The following XIRP2 variants were observed in gnomAD, a reference collection of about 807,000 sequenced individuals.
The protein encoded by XIRP2 is xin actin binding repeat containing 2, also known as xin actin-binding repeat-containing protein 2.
Under a neutral mutation model 277.0 loss-of-function variants are expected in XIRP2, and 236 were observed. The observed-to-expected ratio is 0.85, with a 90% CI of 0.77 to 0.95. XIRP2 has a LOEUF of 0.95. Among genes scored for constraint, XIRP2 ranks in the 40% least tolerant of loss-of-function variants. XIRP2 has a pLI of 0.00. For synonymous variants in XIRP2, 1,490 were observed against 1,416.5 expected, an observed-to-expected ratio of 1.05 and a Z score of -1.17; for missense variants, 4,640 against 4,157.5, an observed-to-expected ratio of 1.12 and a Z score of -3.19.
In XIRP2 at chr2:167,246,801, T is replaced by A; in HGVS notation, c.5409T>A (p.Val1803=). The change falls in exon 9 of 11, where the codon GTT becomes GTA. Residue 1803 remains valine, a synonymous_variant. Transcript: ENST00000409195. ...KKRQSLVERT[V]SETDIIPGDV... is the part of the protein sequence containing the mutation. The stretch of plus-strand genomic sequence containing the variant: ...GGCAGTCTCTGGTTGAACGTACTGT[T>A]AGTGAAACTGACATCATCCCTGGAG... 1.2e-6 allele frequency: 2 copies of A among 1,613,866 alleles called. No homozygotes were observed.
intron 2 of XIRP2, among the ~76,000 whole-genome samples, chr2:167,007,620 A>C (rs1368488369): frequency 6.6e-6 from 1 of 151,272 alleles, no homozygotes; most frequent in Non-Finnish European, 1.5e-5. Flanking sequence ...TATGTGGTAC[A>C]TGTCTTAAAC....
chr2:167,255,818 A>C (rs1332480745), intron 10 of XIRP2, among the ~76,000 whole-genome samples: 2 of 151,878 alleles, frequency 1.3e-5, no homozygotes, highest in African/African-American at 4.8e-5. Context: ...CATGGAAACA[A>C]TATTCGTTGA....
chr2:167,203,718 A>G (rs538703979), intron 3 of XIRP2, among the ~76,000 whole-genome samples: 2 of 152,364 alleles, frequency 1.3e-5, no homozygotes, highest in Non-Finnish European at 2.9e-5. Flanking sequence ...TAAAACTCAA[A>G]TTGATTACAA....
intron 3 of XIRP2, among the ~76,000 whole-genome samples, chr2:167,201,512 T>A (rs1007137153): frequency 1.3e-5 from 2 of 152,306 alleles, no homozygotes; most frequent in African/African-American, 4.8e-5. Context: ...CAGTGGCCCC[T>A]GCTTTGCATT....
chr2:167,080,391 G>C (rs1251176387), intron 2 of XIRP2, among the ~76,000 whole-genome samples: 1 of 152,148 alleles, frequency 6.6e-6, no homozygotes, highest in Non-Finnish European at 1.5e-5. Flanking sequence ...GATACTGCCA[G>C]ACTAACTGAT....
intron 3 of XIRP2, among the ~76,000 whole-genome samples, chr2:167,153,668 T>C: frequency 6.6e-6 from 1 of 151,992 alleles, no homozygotes; most frequent in Non-Finnish European, 1.5e-5. Context: ...GTTTGGTTTT[T>C]TGTTCTTGCG....
chr2:166,919,602 A>G (rs996926458), intron 2 of XIRP2, among the ~76,000 whole-genome samples: 4 of 152,192 alleles, frequency 2.6e-5, no homozygotes, highest in Non-Finnish European at 5.9e-5. Flanking sequence ...TCTGATCACA[A>G]TGATTTTATG....
At chr2:167,089,345 A>G (rs112121102) in intron 2 of XIRP2, among the ~76,000 whole-genome samples, 4,784 of 152,210 alleles carry the variant, frequency 0.031, 99 homozygotes, top group East Asian at 0.05. Context: ...TCATCAGTTA[A>G]TTGTTCTTTC....
At chr2:167,233,719 G>C (rs868840569) in intron 5 of XIRP2, among the ~76,000 whole-genome samples, 2 of 151,152 alleles carry the variant, frequency 1.3e-5, no homozygotes, top group Non-Finnish European at 3.0e-5. Flanking sequence ...TATTTTTTTT[G>C]TAAACTTTTT....
chr2:167,070,814 C>T (rs1370406376), intron 2 of XIRP2, among the ~76,000 whole-genome samples: 4 of 151,942 alleles, frequency 2.6e-5, no homozygotes, highest in Non-Finnish European at 4.4e-5. Flanking sequence ...TTTTAAGGAA[C>T]AAATTCATCT....
chr2:167,245,130 A>C lies in XIRP2; in HGVS notation c.3738A>C (p.Gln1246His), dbSNP rs1176986619. The change falls in exon 9 of 11, where the codon CAA becomes CAC. Residue 1246 changes from glutamine (Q) to histidine (H), a missense_variant. Gln to His is a conservative substitution (Grantham distance 24, BLOSUM62 0). Transcript: ENST00000409195. Reference protein sequence around the residue: ...VLNCRWLFENQPIDKIKESQE... With the variant: ...VLNCRWLFENHPIDKIKESQE... Reference sequence around the variant, plus strand: ...ATTGTAGGTGGCTTTTTGAAAACCAACCAATTGATAAGATAAAAGAAAGCC... The same window carrying C: ...ATTGTAGGTGGCTTTTTGAAAACCACCCAATTGATAAGATAAAAGAAAGCC... 2 of 1,611,556 alleles carry C rather than the reference A, an allele frequency of 1.2e-6. No individual in the cohort carries two copies. Among genetic ancestry groups the C allele is most frequent in the African/African-American group, 2.7e-5 (2 of 74,654 alleles).
At chr2:167,170,894 CTTT>C (rs773187641) in intron 3 of XIRP2, among the ~76,000 whole-genome samples, 7,779 of 92,050 alleles carry the variant, frequency 0.085, 95 homozygotes, top group Middle Eastern at 0.14. Flanking sequence ...TGCCTTTCTT[CTTT>C]TTTTTTTTTT....
chr2:167,241,745 A>C, intron 7 of XIRP2, 32 bp from the exon 8 acceptor site: 1 of 1,574,070 alleles, frequency 6.4e-7, no homozygotes, highest in Non-Finnish European at 8.6e-7. Context: ...TAGTAATTAC[A>C]TAGTAACCCT....
chr2:166,904,856 T>A (rs1359847096), intron 2 of XIRP2, among the ~76,000 whole-genome samples: 1 of 152,112 alleles, frequency 6.6e-6, no homozygotes, highest in East Asian at 1.9e-4. Flanking sequence ...TTCTTGTTAA[T>A]GGATAATTAG....
Position 166,973,676 on chromosome 2 carries a change from C to G in XIRP2, c.408+69786C>G, listed in dbSNP as rs78855755. Among the ~76,000 whole-genome samples the G allele has an allele frequency of 6.1e-3, 931 of 152,270 alleles. 76 individuals are homozygous for G. The East Asian group carries it at 0.16, about 26-fold the overall frequency. On this transcript the variant is annotated intron_variant, in intron 2 of 10. Transcript: ENST00000409195. The stretch of plus-strand genomic sequence containing the variant: ...AAAGCACTTCAGAATCTCAGTCCCC[C>G]ACCTTAACCTACTGAATTAGAATTT...
chr2:166,907,609 G>A (rs1468477314), intron 2 of XIRP2, among the ~76,000 whole-genome samples: 1 of 150,092 alleles, frequency 6.7e-6, no homozygotes, highest in African/African-American at 2.5e-5. Context: ...ACAGGTCATA[G>A]AAGTTTTTTT....
At chr2:167,152,984 C>A (rs911843673) in intron 3 of XIRP2, among the ~76,000 whole-genome samples, 2 of 152,150 alleles carry the variant, frequency 1.3e-5, no homozygotes, top group Non-Finnish European at 2.9e-5. Context: ...CGCAGGCAAC[C>A]TCTGCGTGTA....
chr2:167,128,546 C>T (rs540038032), intron 2 of XIRP2, among the ~76,000 whole-genome samples: 1 of 152,102 alleles, frequency 6.6e-6, no homozygotes, highest in Non-Finnish European at 1.5e-5. Context: ...GTTTTGGTAT[C>T]CGGGGCGGTC....
chr2:166,920,935 T>A (rs72882761), intron 2 of XIRP2, among the ~76,000 whole-genome samples: 27,174 of 152,068 alleles, frequency 0.18, 3,092 homozygotes, highest in Admixed American at 0.26. Flanking sequence ...GTTTTTGTAT[T>A]TTGCCTATTT....
Sources: allele counts gnomAD v4.1 joint callset (sites outside exome capture counted in the v4.1 genomes callset), GRCh38; gene constraint gnomAD v4.1.1; transcripts MANE v1.5; gene names NCBI Gene and HGNC (gene_info 2026-07-23, HGNC 2026-07-21).